RAPGEF4: variants seen among roughly 807,000 people sequenced by gnomAD.
RAPGEF4 encodes the protein RAP guanine-nucleotide-exchange factor (GEF) 4.
A neutral mutation model predicts 147.9 loss-of-function variants in RAPGEF4; 66 were observed. That is an observed-to-expected ratio of 0.45 (90% CI 0.37 to 0.55). The LOEUF is 0.55. Among genes scored for constraint, RAPGEF4 ranks in the 20% least tolerant of loss-of-function variants. RAPGEF4 has a pLI of 0.00. For missense variants in RAPGEF4, 1,071 were observed against 1,257.3 expected (o/e 0.85, Z 2.24); for synonymous variants, 419 against 442.7 (o/e 0.95, Z 0.67).
chr2:173,018,909 A>G, intron 22 of RAPGEF4, 107 bp downstream of exon 22: 1 of 1,257,672 alleles, frequency 8.0e-7, no homozygotes, highest in African/African-American at 1.5e-5. Context: ...CCAGAGGATG[A>G]ACTGGTGCTT....
At position 172,871,196 on chromosome 2, in the gene RAPGEF4, C is replaced by T. The variant is rs180760719; in HGVS notation, c.445-46606C>T. Among the ~76,000 whole-genome samples the T allele has an allele frequency of 3.3e-5, 5 of 152,260 alleles. No homozygotes were observed. In the East Asian group the frequency reaches 7.7e-4, roughly 23 times the overall value. On this transcript the variant is annotated intron_variant, in intron 4 of 30. Transcript: ENST00000397081. ...GCTAATCAGGCAGGAACTAGAGGCA[C>T]GAGGCTTTCTTGTTCAGGTGAATTC...
At chr2:173,043,647 T>C (rs1346796341) in intron 29 of RAPGEF4, among the ~76,000 whole-genome samples, 3 of 152,200 alleles carry the variant, frequency 2.0e-5, no homozygotes, top group Non-Finnish European at 4.4e-5. Context: ...GGCTATGTCA[T>C]GTCTTTATAG....
chr2:172,995,245 TTGTGTGTGTGTGTGTGTGTGTGTG>T (rs71018528), intron 15 of RAPGEF4, among the ~76,000 whole-genome samples: 1 of 138,590 alleles, frequency 7.2e-6, no homozygotes, highest in African/African-American at 2.8e-5. Context: ...ACTTGCCTGT[TTGTGTGTGTGTGTGTGTGTGTGTG>T]TGTGTGTGTG....
chr2:172,824,668 C>T (rs1176114998), intron 4 of RAPGEF4, among the ~76,000 whole-genome samples: 1 of 152,192 alleles, frequency 6.6e-6, no homozygotes, highest in African/African-American at 2.4e-5. Context: ...GAATAAGGTG[C>T]AAGATCATCC....
intron 4 of RAPGEF4, among the ~76,000 whole-genome samples, chr2:172,823,171 T>C (rs1689267560): frequency 6.6e-6 from 1 of 152,180 alleles, no homozygotes; most frequent in Non-Finnish European, 1.5e-5. Context: ...CTTATGTGGG[T>C]AGCAAGGCTG....
At chr2:172,902,616 C>A (rs1699192053) in intron 4 of RAPGEF4, among the ~76,000 whole-genome samples, 1 of 152,168 alleles carries the variant, frequency 6.6e-6, no homozygotes, top group African/African-American at 2.4e-5. Context: ...CCCTAATATT[C>A]TCTTCCACAC....
At chr2:173,041,224 C>T (rs960025629) in intron 29 of RAPGEF4, among the ~76,000 whole-genome samples, 1 of 152,074 alleles carries the variant, frequency 6.6e-6, no homozygotes, top group East Asian at 1.9e-4. Flanking sequence ...TTATAAGATT[C>T]ATGGAGAGAG....
At chr2:172,919,857 A>G (rs1423712176) in intron 5 of RAPGEF4, among the ~76,000 whole-genome samples, 1 of 151,972 alleles carries the variant, frequency 6.6e-6, no homozygotes, top group Non-Finnish European at 1.5e-5. Context: ...AACCTCAGCC[A>G]TTTTGGACTC....
chr2:172,990,518 C>G (rs1692725867), intron 14 of RAPGEF4, among the ~76,000 whole-genome samples: 1 of 152,174 alleles, frequency 6.6e-6, no homozygotes, highest in African/African-American at 2.4e-5. Context: ...GCCTTTGCTC[C>G]CCACCTTCCT....
chr2:172,832,111 G>A lies in RAPGEF4; in HGVS notation c.444+17686G>A, dbSNP rs980685847. On this transcript the variant is annotated intron_variant, in intron 4 of 30. Transcript: ENST00000397081. Reference sequence around the variant, plus strand: ...GAAAGGAGAGCAGGAATAATAGTGTGAAATATTGCCTTTGTTTATTAAAAG... The same window carrying A: ...GAAAGGAGAGCAGGAATAATAGTGTAAAATATTGCCTTTGTTTATTAAAAG... 3.3e-5 allele frequency among the ~76,000 whole-genome samples: 5 copies of A among 152,186 alleles called. 1 individual carries two copies. The highest frequency in any genetic ancestry group is 1.2e-4 in the African/African-American group (5 of 41,454).
intron 9 of RAPGEF4, among the ~76,000 whole-genome samples, chr2:172,966,503 C>T (rs530829703): frequency 6.6e-6 from 1 of 152,252 alleles, no homozygotes; most frequent in Admixed American, 6.5e-5. Context: ...GCCCTTTGAG[C>T]AGCAAGGGAT....
intron 21 of RAPGEF4, 120 bp from the exon 22 acceptor site, chr2:173,018,536 A>G: frequency 9.3e-7 from 1 of 1,070,156 alleles, no homozygotes; most frequent in Non-Finnish European, 1.4e-6. Context: ...ATGAATAAAT[A>G]CAGTAACAAA....
At chr2:172,859,957 G>C in intron 4 of RAPGEF4, 1 of 880,456 alleles carries the variant, frequency 1.1e-6, no homozygotes, top group Non-Finnish European at 1.4e-6. Flanking sequence ...ATCCTTGTCC[G>C]GGAGTGACTG....
At chr2:172,937,826 A>G (rs993410011) in intron 6 of RAPGEF4, among the ~76,000 whole-genome samples, 6 of 152,064 alleles carry the variant, frequency 3.9e-5, no homozygotes, top group African/African-American at 1.4e-4. Flanking sequence ...CTATGCACTC[A>G]TGGATATTTA....
chr2:172,779,267 C>T lies in RAPGEF4; in HGVS notation c.66-15758C>T, dbSNP rs537502074. ...ATAAATATTATGTTAGAAGCTGTTA[C>T]GTGCTTGGAATAAAGCAATGCAGGG... On this transcript the variant is annotated intron_variant, in intron 1 of 30. Coordinates refer to ENST00000397081, the MANE Select transcript of RAPGEF4 (RefSeq NM_007023.4). 9.2e-4 allele frequency among the ~76,000 whole-genome samples: 140 copies of T among 152,228 alleles called. No homozygotes were observed. The South Asian group carries it at 0.026, about 28-fold the overall frequency.
At chr2:172,760,944 C>A (rs1399313839) in intron 1 of RAPGEF4, among the ~76,000 whole-genome samples, 1 of 151,856 alleles carries the variant, frequency 6.6e-6, no homozygotes, top group Non-Finnish European at 1.5e-5. Flanking sequence ...CACACCAAGA[C>A]ACATAACCAA....
At chr2:173,022,032 A>G (rs929871556) in intron 23 of RAPGEF4, among the ~76,000 whole-genome samples, 1 of 151,860 alleles carries the variant, frequency 6.6e-6, no homozygotes, top group African/African-American at 2.4e-5. Context: ...ATTTCTCAAT[A>G]CTGAAGGATT....
chr2:172,899,663 C>G (rs1698862381), intron 4 of RAPGEF4, among the ~76,000 whole-genome samples: 1 of 152,082 alleles, frequency 6.6e-6, no homozygotes, highest in Non-Finnish European at 1.5e-5. Flanking sequence ...CAGGATGATC[C>G]GTTTTTCTGC....
chr2:172,759,377 A>G (rs1696081494), intron 1 of RAPGEF4, among the ~76,000 whole-genome samples: 1 of 152,234 alleles, frequency 6.6e-6, no homozygotes, highest in African/African-American at 2.4e-5. Flanking sequence ...AAGTAAAGGA[A>G]GATGAAAAAT....
Sources: gnomAD v4.1 joint callset for allele counts (sites outside exome capture counted in the v4.1 genomes callset) on GRCh38, gnomAD v4.1.1 for gene constraint, MANE v1.5 for transcripts, NCBI Gene and HGNC (gene_info 2026-07-23, HGNC 2026-07-21) for gene names.